TGM6: variants seen among roughly 807,000 people sequenced by gnomAD.
TGM6 encodes protein-glutamine gamma-glutamyltransferase 6.
A neutral mutation model predicts 77.5 loss-of-function variants in TGM6; 74 were observed. The ratio of observed to expected loss-of-function variants is 0.96; its 90% confidence interval spans 0.79 to 1.16. The LOEUF (loss-of-function observed/expected upper bound fraction) is 1.16, where lower values mean the gene tolerates loss of function less well. Among genes scored for constraint, TGM6 ranks in the 50% most tolerant of loss-of-function variants. TGM6 has a pLI of 0.00. For synonymous variants in TGM6, 383 were observed against 378.9 expected, an observed-to-expected ratio of 1.01 and a Z score of -0.12; for missense variants, 968 against 940.2, an observed-to-expected ratio of 1.03 and a Z score of -0.39.
intron 10 of TGM6, among the ~76,000 whole-genome samples, chr20:2,421,824 T>C (rs1335591800): frequency 6.6e-6 from 1 of 152,152 alleles, no homozygotes; most frequent in Non-Finnish European, 1.5e-5. Flanking sequence ...GATCATGCCT[T>C]TGGTATTGTA....
intron 9 of TGM6, among the ~76,000 whole-genome samples, chr20:2,405,169 C>T (rs558553769): frequency 6.6e-6 from 1 of 152,240 alleles, no homozygotes; most frequent in South Asian, 2.1e-4. Context: ...AACAGGCCAG[C>T]CCATGCTTTT....
At chr20:2,430,360 T>C in intron 10 of TGM6, 86 bp from the exon 11 acceptor site, 1 of 1,530,914 alleles carries the variant, frequency 6.5e-7, no homozygotes, top group Non-Finnish European at 9.0e-7. Flanking sequence ...AGAAAGGAGC[T>C]ATTAGTTGTG....
At chr20:2,392,169 T>A (rs746237615) in intron 1 of TGM6, among the ~76,000 whole-genome samples, 3 of 152,210 alleles carry the variant, frequency 2.0e-5, no homozygotes, top group African/African-American at 4.8e-5. Context: ...AACTGCATGA[T>A]GTCAGGGCCA....
intron 1 of TGM6, among the ~76,000 whole-genome samples, chr20:2,389,323 G>T (rs2055843044): frequency 1.3e-5 from 2 of 152,158 alleles, no homozygotes; most frequent in South Asian, 4.1e-4. Flanking sequence ...TCCAGCCTCA[G>T]TCAAGCCTTC....
At position 2,419,966 on chromosome 20, in the gene TGM6, C is replaced by G. The variant is rs140084526; in HGVS notation, c.1678+2393C>G. 4.7e-4 allele frequency among the ~76,000 whole-genome samples: 71 copies of G among 152,276 alleles called. No homozygotes were observed. The East Asian group carries it at 0.013, about 28-fold the overall frequency. On this transcript the variant is annotated intron_variant, in intron 10 of 12. Transcript: ENST00000202625. ...TATCACAAAAGTGAAATTCTTGGGC[C>G]AGGCGCAGTGGCTCACGCCTGTAAT...
At chr20:2,381,423 G>A (rs1243430807) in intron 1 of TGM6, among the ~76,000 whole-genome samples, 1 of 152,138 alleles carries the variant, frequency 6.6e-6, no homozygotes, top group Non-Finnish European at 1.5e-5. Flanking sequence ...AGCACTTGAG[G>A]GCAAGAGCAG....
At chr20:2,412,508 AT>A (rs1243911470) in intron 9 of TGM6, among the ~76,000 whole-genome samples, 5 of 137,790 alleles carry the variant, frequency 3.6e-5, no homozygotes, top group Admixed American at 1.4e-4. Flanking sequence ...TTTTATCACA[AT>A]TTTTAAAATA....
chr20:2,390,192 A>C (rs1263386149), intron 1 of TGM6, among the ~76,000 whole-genome samples: 1 of 152,132 alleles, frequency 6.6e-6, no homozygotes, highest in African/African-American at 2.4e-5. Context: ...CATTGTACTG[A>C]TGTGTTCCTG....
At chr20:2,412,733 G>A (rs1332966742) in intron 9 of TGM6, among the ~76,000 whole-genome samples, 1 of 152,028 alleles carries the variant, frequency 6.6e-6, no homozygotes, top group Non-Finnish European at 1.5e-5. Context: ...TCTAGATACT[G>A]GCAATGGATA....
At chr20:2,418,257 C>T (rs1436380046) in intron 10 of TGM6, among the ~76,000 whole-genome samples, 1 of 152,128 alleles carries the variant, frequency 6.6e-6, no homozygotes. Flanking sequence ...CCTTGGCCTC[C>T]CAAAGTGCTG....
intron 9 of TGM6, among the ~76,000 whole-genome samples, chr20:2,407,838 C>G (rs2084762126): frequency 6.6e-6 from 1 of 152,076 alleles, no homozygotes; most frequent in Non-Finnish European, 1.5e-5. Context: ...AGTAGAGACC[C>G]TCCTGAGTGT....
intron 9 of TGM6, among the ~76,000 whole-genome samples, chr20:2,407,440 G>A (rs1486920060): frequency 2.0e-5 from 3 of 152,268 alleles, no homozygotes; most frequent in Non-Finnish European, 2.9e-5. Context: ...CCAACATGGC[G>A]AAACCCCATT....
intron 10 of TGM6, among the ~76,000 whole-genome samples, chr20:2,428,278 T>G (rs1173691070): frequency 2.0e-5 from 3 of 152,204 alleles, no homozygotes; most frequent in African/African-American, 7.2e-5. Flanking sequence ...GAACCATTGT[T>G]CTAGGGAAAG....
intron 1 of TGM6, among the ~76,000 whole-genome samples, chr20:2,391,096 C>T (rs1472283251): frequency 7.8e-6 from 1 of 128,920 alleles, no homozygotes; most frequent in Non-Finnish European, 1.7e-5. Flanking sequence ...TTAACAGGAT[C>T]CTTCTGGCTT....
Position 2,403,656 on chromosome 20 carries a change from T to A in TGM6, c.1169T>A (p.Phe390Tyr). 6.2e-7 allele frequency: 1 copy of A among 1,614,134 alleles called. No individual in the cohort carries two copies. ...GDVHLAHDGP[F>Y]VFAEVNADYI... ...GTGCACCTGGCTCACGATGGCCCCT[T>A]CGTGTTTGCGGAGGTCAACGCCGAC... Residue 390 changes from phenylalanine to tyrosine, a missense_variant, in exon 9 of 13, where the codon TTC becomes TAC. Coordinates refer to ENST00000202625, the MANE Select transcript of TGM6 (RefSeq NM_198994.3).
intron 1 of TGM6, among the ~76,000 whole-genome samples, chr20:2,382,868 C>G (rs2084565741): frequency 6.6e-6 from 1 of 152,186 alleles, no homozygotes; most frequent in African/African-American, 2.4e-5. Flanking sequence ...ATGCTCAACC[C>G]AGCTCTTTAA....
chr20:2,421,035 A>G (rs913628992), intron 10 of TGM6, among the ~76,000 whole-genome samples: 1 of 151,944 alleles, frequency 6.6e-6, no homozygotes, highest in Non-Finnish European at 1.5e-5. Flanking sequence ...TCACCAGGCT[A>G]GAGTGCAGTG....
Position 2,396,161 on chromosome 20 carries a change from C to A in TGM6, c.425-345C>A, listed in dbSNP as rs1450385185. On this transcript the variant is annotated intron_variant, in intron 3 of 12. Coordinates refer to ENST00000202625, the MANE Select transcript of TGM6 (RefSeq NM_198994.3). ...CGCCATTGTACTCCAGCCTGGGCAA[C>A]AAGAGCAAAACTCTATCTCAAAAAA... Among the ~76,000 whole-genome samples, 21 of 115,986 alleles carry A rather than the reference C, an allele frequency of 1.8e-4. No homozygotes were observed. In the South Asian group the frequency reaches 2.1e-3, roughly 12 times the overall value. The allele number at this position is 115,986 out of a possible 152,430, so 76.1% of individuals were successfully genotyped here. A position where few individuals can be genotyped will look rare whatever the true frequency, so the allele number is the denominator to read the frequency against.
chr20:2,424,886 C>T (rs975985090), intron 10 of TGM6, among the ~76,000 whole-genome samples: 4 of 152,054 alleles, frequency 2.6e-5, no homozygotes, highest in Non-Finnish European at 5.9e-5. Context: ...ATTGTGTATC[C>T]GGGAATAGGA....
Sources: gnomAD v4.1 joint callset for allele counts (sites outside exome capture counted in the v4.1 genomes callset) on GRCh38, gnomAD v4.1.1 for gene constraint, MANE v1.5 for transcripts, NCBI Gene and HGNC (gene_info 2026-07-23, HGNC 2026-07-21) for gene names.